Variants in PTPRN2 observed in about 807,000 individuals in gnomAD.
PTPRN2 encodes the protein protein tyrosine phosphatase receptor type N2, also known as receptor-type tyrosine-protein phosphatase N2.
In PTPRN2, 74 loss-of-function variants were observed where a neutral mutation model predicts 118.8. The observed-to-expected ratio is 0.62, with a 90% CI of 0.52 to 0.76. PTPRN2 has a LOEUF of 0.76. Ranked by LOEUF, PTPRN2 falls within the 30% of genes least tolerant of loss-of-function variation. The pLI, the probability that PTPRN2 is intolerant of heterozygous loss-of-function variation, is 0.00. For synonymous variants in PTPRN2, 641 were observed against 608.0 expected (o/e 1.05, Z -0.80); for missense variants, 1,481 against 1,394.4 (o/e 1.06, Z -0.99).
At chr7:157,561,930 C>G (rs371420806) in intron 21 of PTPRN2, among the ~76,000 whole-genome samples, 1 of 152,224 alleles carries the variant, frequency 6.6e-6, no homozygotes, top group Admixed American at 6.5e-5. Context: ...GTGGACGCTG[C>G]CCTGCCATCA....
chr7:157,797,251 A>C (rs575597376), intron 12 of PTPRN2, among the ~76,000 whole-genome samples: 1 of 152,380 alleles, frequency 6.6e-6, no homozygotes, highest in South Asian at 2.1e-4. Flanking sequence ...ATCTGCACCC[A>C]GGCAGCCCCA....
chr7:157,555,318 C>A (rs188070506), intron 21 of PTPRN2, among the ~76,000 whole-genome samples: 2 of 152,188 alleles, frequency 1.3e-5, no homozygotes, highest in East Asian at 3.9e-4. Context: ...TAAACAAAAG[C>A]CATTAAAAGA....
At position 158,509,332 on chromosome 7, in the gene PTPRN2, C is replaced by T. The variant is rs753671241; in HGVS notation, c.113-19547G>A. ...TGCTCCCTGATCCCTAACGTGCAAT[C>T]GGGGCTGGAGCCGGAGACCCCTCCA... On this transcript the variant is annotated intron_variant, in intron 1 of 22. Transcript: ENST00000389418. This position sits in a 1 kb window ranked among gnomAD's most constrained non-coding sequence, Gnocchi z 4.4. Among the ~76,000 whole-genome samples the T allele has an allele frequency of 5.3e-5, 8 of 152,146 alleles. No individual in the cohort carries two copies. The highest frequency in any genetic ancestry group is 8.8e-5 in the Non-Finnish European group (6 of 68,008).
intron 6 of PTPRN2, among the ~76,000 whole-genome samples, chr7:158,164,918 C>T (rs1822790941): frequency 6.6e-6 from 1 of 152,142 alleles, no homozygotes; most frequent in African/African-American, 2.4e-5. Flanking sequence ...TGAGGCCACA[C>T]TGAGCTGGAG....
At position 158,563,616 on chromosome 7, in the gene PTPRN2, G is replaced by A. The variant is rs4909090; in HGVS notation, c.112+23942C>T. ...TTGGATGAAGAATCCTGCAGCTCTC[G>A]CCGGGGACATCTGAACATCCTTGTT... On this transcript the variant is annotated intron_variant, in intron 1 of 22. Coordinates refer to ENST00000389418, the MANE Select transcript of PTPRN2 (RefSeq NM_002847.5). The surrounding 1 kb of genome is among the most constrained non-coding windows in gnomAD (Gnocchi z 5.1). 0.028 allele frequency among the ~76,000 whole-genome samples: 4,298 copies of A among 152,266 alleles called. 147 individuals are homozygous for A. The highest frequency in any genetic ancestry group is 0.054 in the Admixed American group (824 of 15,302).
chr7:158,220,803 A>G (rs1307627367), intron 3 of PTPRN2, among the ~76,000 whole-genome samples: 3 of 151,800 alleles, frequency 2.0e-5, no homozygotes, highest in Non-Finnish European at 4.4e-5. Context: ...TACAGACTCA[A>G]TGCTATTCCT....
intron 11 of PTPRN2, among the ~76,000 whole-genome samples, chr7:157,973,747 C>T (rs998513757): frequency 1.4e-4 from 22 of 152,200 alleles, no homozygotes; most frequent in African/African-American, 5.3e-4. Flanking sequence ...TTTGTAATGG[C>T]AATGTAAAAT....
intron 3 of PTPRN2, among the ~76,000 whole-genome samples, chr7:158,287,398 G>T (rs1799835396): frequency 6.6e-6 from 1 of 151,880 alleles, no homozygotes; most frequent in African/African-American, 2.4e-5. Context: ...AGTACCTTGA[G>T]GTGTAATATT....
At chr7:158,157,488 C>T (rs1821927739) in intron 6 of PTPRN2, among the ~76,000 whole-genome samples, 1 of 152,234 alleles carries the variant, frequency 6.6e-6, no homozygotes. Flanking sequence ...ACTCTTACTT[C>T]TCCCAAATCT....
At chr7:157,996,445 A>G (rs1214697711) in intron 11 of PTPRN2, among the ~76,000 whole-genome samples, 1 of 152,204 alleles carries the variant, frequency 6.6e-6, no homozygotes, top group Non-Finnish European at 1.5e-5. Flanking sequence ...TACTAAGAGA[A>G]CCTACTGGTC....
At chr7:158,228,363 A>T (rs1488577267) in intron 3 of PTPRN2, among the ~76,000 whole-genome samples, 3 of 152,196 alleles carry the variant, frequency 2.0e-5, no homozygotes, top group Non-Finnish European at 4.4e-5. Context: ...GGAAGATCCC[A>T]AAGAAGAATT....
chr7:158,308,232 C>T (rs1801440319), intron 3 of PTPRN2, among the ~76,000 whole-genome samples: 1 of 152,142 alleles, frequency 6.6e-6, no homozygotes, highest in South Asian at 2.1e-4. Context: ...AGTCTATCAA[C>T]CAAGAATTCT....
rs979849187 is a variant in PTPRN2 at position 157,627,767 on chromosome 7, A to C, written c.2197-6258T>G. Among the ~76,000 whole-genome samples the C allele has an allele frequency of 6.6e-6, 1 of 152,122 alleles. No homozygotes were observed. The highest frequency in any genetic ancestry group is 1.5e-5 in the Non-Finnish European group (1 of 68,014). On this transcript the variant is annotated intron_variant, in intron 14 of 22. Transcript: ENST00000389418. The surrounding 1 kb of genome is among the most constrained non-coding windows in gnomAD (Gnocchi z 4.2). ...TCCTAGATCAAACCATTCATGGAGAAAGCTACGGGGACTCAGGAAGTGGGT... is the reference window on the plus strand; with the variant it reads ...TCCTAGATCAAACCATTCATGGAGACAGCTACGGGGACTCAGGAAGTGGGT...
intron 12 of PTPRN2, among the ~76,000 whole-genome samples, chr7:157,771,009 TG>T (rs1209079690): frequency 1.7e-4 from 26 of 152,384 alleles, no homozygotes; most frequent in Admixed American, 9.1e-4. Flanking sequence ...TTCTGGCTTC[TG>T]GGCTCAGACT....
chr7:158,483,609 T>C (rs558394806), intron 2 of PTPRN2, among the ~76,000 whole-genome samples: 39 of 152,282 alleles, frequency 2.6e-4, no homozygotes, highest in African/African-American at 8.2e-4. Context: ...TGTGCCCAGA[T>C]GGTGGAGCCA....
chr7:157,725,655 T>C (rs13242510), intron 12 of PTPRN2, among the ~76,000 whole-genome samples: 81 of 123,088 alleles, frequency 6.6e-4, no homozygotes, highest in South Asian at 1.7e-3. Context: ...GAACTGGATA[T>C]CTACACACAG....
intron 14 of PTPRN2, among the ~76,000 whole-genome samples, chr7:157,628,641 C>T (rs1205870983): frequency 6.6e-6 from 1 of 152,198 alleles, no homozygotes; most frequent in African/African-American, 2.4e-5. Flanking sequence ...CATCACAGCT[C>T]ACAGGGGAGA....
chr7:158,020,765 T>A (rs181348244), intron 11 of PTPRN2, among the ~76,000 whole-genome samples: 2 of 152,260 alleles, frequency 1.3e-5, no homozygotes, highest in East Asian at 3.9e-4. Flanking sequence ...GGATCCTGTG[T>A]CAAGTCTAAG....
At chr7:158,249,373 G>GCATA (rs34404510) in intron 3 of PTPRN2, among the ~76,000 whole-genome samples, 105,462 of 133,918 alleles carry the variant, frequency 0.79, 42,059 homozygotes, top group African/African-American at 0.85. Flanking sequence ...ATACATACAT[G>GCATA]CATACATACA....
Sources: gnomAD v4.1 joint callset for allele counts (sites outside exome capture counted in the v4.1 genomes callset) on GRCh38, gnomAD v4.1.1 for gene constraint, Gnocchi (gnomAD v3.1) non-coding constraint, MANE v1.5 for transcripts, NCBI Gene and HGNC (gene_info 2026-07-23, HGNC 2026-07-21) for gene names.